The following IKZF3 variants were observed in gnomAD, a reference collection of about 807,000 sequenced individuals.
The protein encoded by IKZF3 is IKAROS family zinc finger 3.
IKZF3 carries 10 observed loss-of-function variants against 49.0 expected under a neutral mutation model. The ratio of observed to expected loss-of-function variants is 0.20; its 90% CI spans 0.13 to 0.35. The LOEUF (loss-of-function observed/expected upper bound fraction) is 0.35, where lower values mean the gene tolerates loss of function less well. Among genes scored for constraint, IKZF3 ranks in the 10% least tolerant of loss-of-function variants. IKZF3 has a pLI of 1.00. For missense variants in IKZF3, 498 were observed against 664.8 expected, an observed-to-expected ratio of 0.75 and a Z score of 2.76; for synonymous variants, 209 against 228.2, an observed-to-expected ratio of 0.92 and a Z score of 0.76.
chr17:39,796,542 C>CTTTTT (rs1224946640), intron 3 of IKZF3, among the ~76,000 whole-genome samples: 1 of 135,042 alleles, frequency 7.4e-6, no homozygotes. Context: ...ACATTCCTTT[C>CTTTTT]TTTTTTTTTT....
chr17:39,822,582 C>CTTT lies in IKZF3; in HGVS notation c.163+6802_163+6804dup, dbSNP rs536009534. ...ATTACCCAGTCTTGGGTATTTCTTTCTTTTTTTTTTTTTTTTTTGAGATGG... is the reference window on the plus strand; with the variant it reads ...ATTACCCAGTCTTGGGTATTTCTTTCTTTTTTTTTTTTTTTTTTTTTGAGATGG... On this transcript the variant is annotated intron_variant, in intron 3 of 7. Transcript: ENST00000346872. Among the ~76,000 whole-genome samples, 131 of 132,990 alleles carry CTTT rather than the reference C, an allele frequency of 9.9e-4. 1 individual carries two copies. The highest frequency in any genetic ancestry group is 3.5e-3 in the African/African-American group (125 of 35,814). The allele number at this position is 132,990 out of a possible 152,430, so 87.2% of individuals were successfully genotyped here.
At chr17:39,833,755 T>C (rs1436313185) in intron 1 of IKZF3, among the ~76,000 whole-genome samples, 1 of 152,166 alleles carries the variant, frequency 6.6e-6, no homozygotes, top group Non-Finnish European at 1.5e-5. Flanking sequence ...ACTTTTAAAT[T>C]TTAGAGTAGT....
intron 3 of IKZF3, among the ~76,000 whole-genome samples, chr17:39,796,881 T>C (rs1316637820): frequency 6.8e-6 from 1 of 147,628 alleles, no homozygotes; most frequent in Non-Finnish European, 1.5e-5. Flanking sequence ...AAGACACAGG[T>C]GGTCCAGGAG....
intron 1 of IKZF3, chr17:39,835,492 G>T: frequency 2.3e-6 from 1 of 442,028 alleles, no homozygotes; most frequent in Non-Finnish European, 4.5e-6. Flanking sequence ...GGAGATCTCC[G>T]TCTTTGTACA....
At chr17:39,833,849 A>G (rs1020632368) in intron 1 of IKZF3, among the ~76,000 whole-genome samples, 1 of 152,198 alleles carries the variant, frequency 6.6e-6, no homozygotes, top group African/African-American at 2.4e-5. Context: ...TTAACATCTT[A>G]TATTAGTATG....
At chr17:39,859,668 C>T (rs1449991761) in intron 1 of IKZF3, among the ~76,000 whole-genome samples, 4 of 152,072 alleles carry the variant, frequency 2.6e-5, no homozygotes, top group African/African-American at 7.2e-5. Context: ...GGATTACAGG[C>T]GTGAGCCACC....
chr17:39,777,593 A>C (rs997578772), intron 7 of IKZF3, 58 bp downstream of exon 7: 1 of 1,203,692 alleles, frequency 8.3e-7, no homozygotes, highest in Non-Finnish European at 1.2e-6. Flanking sequence ...CAAGCATCCT[A>C]TGTTATTTCA....
At chr17:39,809,815 A>G (rs1380028440) in intron 3 of IKZF3, among the ~76,000 whole-genome samples, 1 of 152,232 alleles carries the variant, frequency 6.6e-6, no homozygotes, top group Non-Finnish European at 1.5e-5. Context: ...CAGGATGATG[A>G]TGAAGAAAGG....
chr17:39,774,472 A>G (rs1378365102), intron 7 of IKZF3, among the ~76,000 whole-genome samples: 4 of 152,090 alleles, frequency 2.6e-5, no homozygotes, highest in Non-Finnish European at 5.9e-5. Context: ...AGAAAACAGT[A>G]GCCCCATGTT....
chr17:39,827,503 T>G (rs2061989631), intron 3 of IKZF3, among the ~76,000 whole-genome samples: 1 of 151,914 alleles, frequency 6.6e-6, no homozygotes, highest in Non-Finnish European at 1.5e-5. Context: ...AGATGAGGCC[T>G]CACCATGTTG....
chr17:39,817,703 A>G (rs1419609809), intron 3 of IKZF3, among the ~76,000 whole-genome samples: 1 of 152,184 alleles, frequency 6.6e-6, no homozygotes, highest in Admixed American at 6.5e-5. Context: ...TTTACATTCT[A>G]TTACTTTTAT....
intron 1 of IKZF3, among the ~76,000 whole-genome samples, chr17:39,859,958 G>A (rs561734470): frequency 1.3e-5 from 2 of 152,246 alleles, no homozygotes; most frequent in East Asian, 3.9e-4. Context: ...TAGGCCAGGT[G>A]CAGTGGCTCA....
At chr17:39,783,842 T>C (rs188510359) in intron 6 of IKZF3, among the ~76,000 whole-genome samples, 1 of 152,038 alleles carries the variant, frequency 6.6e-6, no homozygotes, top group Non-Finnish European at 1.5e-5. Flanking sequence ...GGCAGGAGAA[T>C]TGCTTGAACC....
intron 1 of IKZF3, among the ~76,000 whole-genome samples, chr17:39,853,760 G>A (rs1488409012): frequency 6.6e-6 from 1 of 150,988 alleles, no homozygotes; most frequent in Non-Finnish European, 1.5e-5. Flanking sequence ...GCTTGGACCT[G>A]AGAGGTGAAG....
In IKZF3 at chr17:39,761,848, G is replaced by A. The variant is rs189341742; in HGVS notation, c.*3942C>T. 6.6e-6 allele frequency: 1 copy of A among 152,450 alleles called. No individual in the cohort carries two copies. Among genetic ancestry groups the A allele is most frequent in the East Asian group, 1.9e-4 (1 of 5,172 alleles). 9.4% of individuals were successfully genotyped at this position (152,450 alleles called of 1,614,324 possible). A position where few individuals can be genotyped will look rare whatever the true frequency, so the allele number is the denominator to read the frequency against. On this transcript the variant is annotated 3_prime_UTR_variant, in exon 8 of 8. Coordinates refer to ENST00000346872, the MANE Select transcript of IKZF3 (RefSeq NM_012481.5). The stretch of plus-strand genomic sequence containing the variant: ...GCCTCCTGAGTAGCTGGGATTACAG[G>A]CATGTGCCATCACGCCCGGCTAATT...
intron 3 of IKZF3, among the ~76,000 whole-genome samples, chr17:39,828,793 T>C (rs1297374906): frequency 1.3e-5 from 2 of 151,808 alleles, no homozygotes; most frequent in East Asian, 1.9e-4. Context: ...AGGTCAGGAG[T>C]TCCTGGCCAG....
At chr17:39,777,053 A>G (rs79233144) in intron 7 of IKZF3, among the ~76,000 whole-genome samples, 1 of 152,238 alleles carries the variant, frequency 6.6e-6, no homozygotes, top group Non-Finnish European at 1.5e-5. Flanking sequence ...TAACACTTCA[A>G]TGAACATAAT....
chr17:39,853,528 A>T (rs937416095), intron 1 of IKZF3, among the ~76,000 whole-genome samples: 3 of 152,034 alleles, frequency 2.0e-5, no homozygotes, highest in African/African-American at 4.8e-5. Context: ...GCTTGTCAAA[A>T]TTTTTTTTAT....
At chr17:39,859,800 T>C (rs944077893) in intron 1 of IKZF3, among the ~76,000 whole-genome samples, 1 of 152,210 alleles carries the variant, frequency 6.6e-6, no homozygotes, top group Non-Finnish European at 1.5e-5. Context: ...TAGGGTCTCT[T>C]TTCAAAATAA....
Sources: gnomAD v4.1 joint callset for allele counts (sites outside exome capture counted in the v4.1 genomes callset) on GRCh38, gnomAD v4.1.1 for gene constraint, MANE v1.5 for transcripts, NCBI Gene and HGNC (gene_info 2026-07-23, HGNC 2026-07-21) for gene names.